Variants in CEMIP2 observed in about 807,000 individuals in gnomAD.
CEMIP2 encodes the protein cell migration inducing hyaluronidase 2.
CEMIP2 carries 79 observed loss-of-function variants against 146.9 expected under a neutral mutation model. The observed-to-expected ratio is 0.54, with a 90% CI of 0.45 to 0.65. The LOEUF (loss-of-function observed/expected upper bound fraction) is 0.65, where lower values mean the gene tolerates loss of function less well. Ranked by LOEUF, CEMIP2 falls within the 30% of genes least tolerant of loss-of-function variation. The pLI is 0.00. For missense variants in CEMIP2, 1,596 were observed against 1,696.2 expected, an observed-to-expected ratio of 0.94 and a Z score of 1.04; for synonymous variants, 601 against 606.3, an observed-to-expected ratio of 0.99 and a Z score of 0.13.
chr9:71,710,928 T>C (rs1213188010), intron 16 of CEMIP2, among the ~76,000 whole-genome samples: 2 of 152,230 alleles, frequency 1.3e-5, no homozygotes, highest in Non-Finnish European at 2.9e-5. Flanking sequence ...ACATAGACTT[T>C]GATAAACCTA....
intron 22 of CEMIP2, among the ~76,000 whole-genome samples, chr9:71,687,881 G>A (rs1401278492): frequency 6.6e-6 from 1 of 151,928 alleles, no homozygotes; most frequent in African/African-American, 2.4e-5. Flanking sequence ...TTAGAGATAG[G>A]GTCCTTGCTC....
chr9:71,694,119 ATTTATTT>A (rs1822316262), intron 21 of CEMIP2, among the ~76,000 whole-genome samples: 1 of 150,540 alleles, frequency 6.6e-6, no homozygotes, highest in South Asian at 2.1e-4. Flanking sequence ...TTATTTATTT[ATTTATTT>A]ATTTATTTAT....
Position 71,730,136 on chromosome 9 carries a change from GGA to G in CEMIP2, c.1889_1890del (p.Leu630ProfsTer5), listed in dbSNP as rs1823573270. 1 of 1,614,030 alleles carries G rather than the reference GGA, an allele frequency of 6.2e-7. No homozygotes were observed. The highest frequency in any genetic ancestry group is 8.5e-7 in the Non-Finnish European group (1 of 1,180,044). On this transcript the variant is annotated frameshift_variant, in exon 9 of 24. Transcript: ENST00000377044. LOFTEE classifies it high-confidence loss of function. The stretch of plus-strand genomic sequence containing the variant: ...ATGGAGTTGTTCCTATCGGTGGGCA[GGA>G]GAGTACCCGGCTTGGTGAGGAGTCC... The part of the protein sequence containing the change: ...NLGLLTKPGT[L>X]LPTDRNNSMC...
rs572607043 is a variant in CEMIP2, at chr9:71,712,387, G to A, written c.2592-127C>T. Reference sequence around the variant, plus strand: ...AGCAAAATTCTAGGATACAGTAGGAGCCAAAACAAGATACCTGATTGAATG... The same window carrying A: ...AGCAAAATTCTAGGATACAGTAGGAACCAAAACAAGATACCTGATTGAATG... On this transcript the variant is annotated intron_variant, in intron 15 of 23. Coordinates refer to ENST00000377044, the MANE Select transcript of CEMIP2 (RefSeq NM_013390.3). The A allele has an allele frequency of 1.5e-5, 12 of 788,078 alleles. No individual in the cohort carries two copies. In the South Asian group the frequency reaches 2.0e-4, roughly 13 times the overall value. The allele number at this position is 788,078 out of a possible 1,614,324, so 48.8% of individuals were successfully genotyped here.
Position 71,745,329 on chromosome 9 carries a change from C to A in CEMIP2, c.723G>T (p.Thr241=), listed in dbSNP as rs757377751. 1.2e-6 allele frequency: 2 copies of A among 1,613,502 alleles called. No homozygotes were observed. The highest frequency in any genetic ancestry group is 8.5e-7 in the Non-Finnish European group (1 of 1,179,438). The part of the protein sequence containing the change: ...ELHGARKASW[T]LLARTLNSSG... The stretch of plus-strand genomic sequence containing the variant: ...AGGAATTCAGGGTCCTTGCCAACAA[C>A]GTCCACGATGCCTTCCGTGCCCCAT... The change falls in exon 4 of 24, where the codon ACG becomes ACT. Residue 241 remains threonine (T), a synonymous_variant. Transcript: ENST00000377044.
rs1307506547 is a variant in CEMIP2 at position 71,694,550 on chromosome 9, C to A, written c.3655G>T (p.Asp1219Tyr). 6.2e-7 allele frequency: 1 copy of A among 1,614,012 alleles called. No homozygotes were observed. The highest frequency in any genetic ancestry group is 1.1e-5 in the South Asian group (1 of 91,054). ...TCTCCACGCTGGGTTTCTGCTTTAT[C>A]AGGTGACTGGAATTGCACAGGGAGG... Reference protein sequence around the residue: ...SYLPVQFQSPDKAETQRGDPS... With the variant: ...SYLPVQFQSPYKAETQRGDPS... The change falls in exon 21 of 24, where the codon GAT becomes TAT. Residue 1219 changes from aspartate to tyrosine, a missense_variant. Asp to Tyr is a radical substitution (Grantham distance 160, BLOSUM62 -3). Coordinates refer to ENST00000377044, the MANE Select transcript of CEMIP2 (RefSeq NM_013390.3).
chr9:71,707,621 G>T (rs76706193), intron 17 of CEMIP2, among the ~76,000 whole-genome samples: 157 of 152,312 alleles, frequency 1.0e-3, no homozygotes, highest in South Asian at 4.8e-3. Flanking sequence ...AATTCAGGGG[G>T]CTCAGAGAAG....
intron 14 of CEMIP2, among the ~76,000 whole-genome samples, chr9:71,715,627 T>G (rs1272031759): frequency 4.9e-5 from 4 of 82,432 alleles, no homozygotes; most frequent in East Asian, 5.9e-4. Context: ...CCTCTTAAGA[T>G]ATATATATAT....
intron 17 of CEMIP2, among the ~76,000 whole-genome samples, chr9:71,706,255 C>T (rs1255463771): frequency 1.4e-5 from 2 of 140,866 alleles, no homozygotes; most frequent in Non-Finnish European, 3.0e-5. Context: ...AAAAAAAAAG[C>T]ACATATTCCA....
At chr9:71,711,601 A>AG (rs1056861906) in intron 16 of CEMIP2, among the ~76,000 whole-genome samples, 1 of 151,930 alleles carries the variant, frequency 6.6e-6, no homozygotes, top group African/African-American at 2.4e-5. Context: ...AAAGAAAAAA[A>AG]AAAAGAAAAG....
At chr9:71,694,967 C>T (rs1276619102) in intron 20 of CEMIP2, among the ~76,000 whole-genome samples, 2 of 152,112 alleles carry the variant, frequency 1.3e-5, no homozygotes, top group African/African-American at 2.4e-5. Context: ...CCCTCAGTCA[C>T]TCTAGGAATG....
intron 4 of CEMIP2, 63 bp downstream of exon 4, chr9:71,744,955 C>T: frequency 6.6e-7 from 1 of 1,523,020 alleles, no homozygotes; most frequent in Non-Finnish European, 8.8e-7. Flanking sequence ...CCTTTCCCCA[C>T]CCTCACTCTC....
chr9:71,768,328 G>T, intron 1 of CEMIP2, 29 bp downstream of exon 1: 1 of 151,774 alleles, frequency 6.6e-6, no homozygotes, highest in East Asian at 2.0e-4. Context: ...GAGCGGGGTG[G>T]GGGGGCGGGT....
rs1350387987 is a variant in CEMIP2, at chr9:71,690,079, A to G, written c.3851+13T>C. The stretch of plus-strand genomic sequence containing the variant: ...AGGTGGCTTTTCCCTGTTACAGCAC[A>G]AGCTTGACCTACCTTGGAGGGATGC... On this transcript the variant is annotated intron_variant, in intron 22 of 23. Coordinates refer to ENST00000377044, the MANE Select transcript of CEMIP2 (RefSeq NM_013390.3). The G allele has an allele frequency of 1.2e-6, 2 of 1,612,566 alleles. No homozygotes were observed. The highest frequency in any genetic ancestry group is 3.3e-5 in the Admixed American group (2 of 59,970).
intron 2 of CEMIP2, among the ~76,000 whole-genome samples, chr9:71,747,480 G>A (rs62549294): frequency 6.6e-6 from 1 of 152,100 alleles, no homozygotes; most frequent in Admixed American, 6.5e-5. Flanking sequence ...ATTTAAATAA[G>A]AGGATCATGA....
intron 21 of CEMIP2, among the ~76,000 whole-genome samples, chr9:71,691,800 G>A (rs1822234365): frequency 6.6e-6 from 1 of 151,840 alleles, no homozygotes; most frequent in African/African-American, 2.4e-5. Context: ...GCAAGACACT[G>A]TCTTAAAAAA....
In CEMIP2 at chr9:71,705,292, C is replaced by CA. The variant is rs539024010; in HGVS notation, c.2986-490dup. Among the ~76,000 whole-genome samples the CA allele has an allele frequency of 3.7e-3, 496 of 134,782 alleles. 3 individuals are homozygous for CA. Among genetic ancestry groups the CA allele is most frequent in the African/African-American group, 9.7e-3 (355 of 36,664 alleles). 88.4% of individuals were successfully genotyped at this position (134,782 alleles called of 152,430 possible). On this transcript the variant is annotated intron_variant, in intron 17 of 23. Coordinates refer to ENST00000377044, the MANE Select transcript of CEMIP2 (RefSeq NM_013390.3). ...CCCACAAAGCCATTTTTCACCCATTCAAAAAAAAAAAAAGTTATAAAGTAC... is the reference window on the plus strand; with the variant it reads ...CCCACAAAGCCATTTTTCACCCATTCAAAAAAAAAAAAAAGTTATAAAGTAC...
chr9:71,692,364 CATCT>C (rs1254400387), intron 21 of CEMIP2, among the ~76,000 whole-genome samples: 1 of 77,546 alleles, frequency 1.3e-5, no homozygotes, highest in Non-Finnish European at 2.2e-5. Context: ...CTCTACCCCC[CATCT>C]CTCTCTCTCT....
chr9:71,686,080 C>T (rs1451084329), intron 22 of CEMIP2: 8 of 452,988 alleles, frequency 1.8e-5, no homozygotes, highest in East Asian at 7.4e-5. Flanking sequence ...AAATCATTTA[C>T]GTACGTTCAC....
Sources: allele counts gnomAD v4.1 joint callset (sites outside exome capture counted in the v4.1 genomes callset), GRCh38; gene constraint gnomAD v4.1.1; transcripts MANE v1.5; gene names NCBI Gene and HGNC (gene_info 2026-07-23, HGNC 2026-07-21).